The following MYO7A variants were observed in gnomAD, a reference collection of about 807,000 sequenced individuals.
MYO7A encodes the protein unconventional myosin-VIIa.
Under a neutral mutation model 263.8 loss-of-function variants are expected in MYO7A, and 210 were observed. That is an observed-to-expected ratio of 0.80 (90% CI 0.71 to 0.89). The LOEUF is 0.89. MYO7A is among the 40% of genes least tolerant of loss of function. MYO7A has a pLI of 0.00. For synonymous variants in MYO7A, 1,239 were observed against 1,197.3 expected (o/e 1.03, Z -0.72); for missense variants, 2,820 against 2,968.3 (o/e 0.95, Z 1.16).
Position 77,189,504 on chromosome 11 carries a change from G to A in MYO7A, c.3630+34G>A, listed in dbSNP as rs375751804. On this transcript the variant is annotated intron_variant, in intron 28 of 48. Transcript: ENST00000409709. ...GTGCCTGGCCTCCTGGAGTGGGAAG[G>A]GGAGCTAGGCCCTGTCCCAGCACTG... 1,355 of 1,612,852 alleles carry A rather than the reference G, an allele frequency of 8.4e-4. 6 individuals are homozygous for A. Among genetic ancestry groups the A allele is most frequent in the Non-Finnish European group, 1.1e-3 (1,251 of 1,179,508 alleles).
In MYO7A at chr11:77,130,638, G is replaced by C. The variant is rs1157203537; in HGVS notation, c.4G>C (p.Val2Leu). Residue 2 changes from valine to leucine, a missense_variant, in exon 2 of 49, where the codon GTG (valine) becomes CTG (leucine). By Grantham distance (32) the Val-to-Leu change is conservative. Transcript: ENST00000409709. ...CAGGAGCTCCTGACTTGGGACCATG[G>C]TGATTCTTCAGCAGGTCAGTGTTCC... The part of the protein sequence containing the change: M[V>L]ILQQGDHVWM... 6.2e-7 allele frequency: 1 copy of C among 1,613,350 alleles called. No homozygotes were observed. Among genetic ancestry groups the C allele is most frequent in the East Asian group, 2.2e-5 (1 of 44,866 alleles).
rs1415959092 is a variant in MYO7A, at chr11:77,214,951, G to A, written c.*255G>A. On this transcript the variant is annotated 3_prime_UTR_variant, in exon 49 of 49. Transcript: ENST00000409709. ...ATCCTAGTTTGCTGTGGCCTTCCCG[G>A]TTGTGAGAGCCTGTGATCCTTAGAT... The A allele has an allele frequency of 5.9e-5, 28 of 477,366 alleles. No individual in the cohort carries two copies. Among genetic ancestry groups the A allele is most frequent in the Non-Finnish European group, 1.0e-4 (27 of 265,028 alleles). The allele number at this position is 477,366 out of a possible 1,614,324, so 29.6% of individuals were successfully genotyped here. A position where few individuals can be genotyped will look rare whatever the true frequency, so the allele number is the denominator to read the frequency against.
chr11:77,202,525 T>A (rs1041019691), intron 37 of MYO7A, 101 bp downstream of exon 37: 13 of 1,445,752 alleles, frequency 9.0e-6, no homozygotes, highest in Non-Finnish European at 1.2e-5. Flanking sequence ...AGCCCCCACC[T>A]GTGAGCAGGG....
intron 12 of MYO7A, 98 bp from the exon 13 acceptor site, chr11:77,162,022 C>A: frequency 9.0e-7 from 1 of 1,112,682 alleles, no homozygotes; most frequent in Non-Finnish European, 1.3e-6. Flanking sequence ...ATGGGGATAG[C>A]TTGCTAATGG....
intron 15 of MYO7A, among the ~76,000 whole-genome samples, chr11:77,167,284 C>G (rs571357578): frequency 6.6e-6 from 1 of 152,230 alleles, no homozygotes; most frequent in Non-Finnish European, 1.5e-5. Flanking sequence ...GGGACTCGAA[C>G]GCAGGTCTCC....
intron 3 of MYO7A, among the ~76,000 whole-genome samples, chr11:77,147,246 G>A (rs1467794469): frequency 6.6e-6 from 1 of 151,170 alleles, no homozygotes; most frequent in African/African-American, 2.4e-5. Context: ...TTTTTACAGT[G>A]GTCTCTTTCT....
At chr11:77,147,669 G>A (rs1591223058) in intron 3 of MYO7A, 129 bp from the exon 4 acceptor site, 1 of 1,193,296 alleles carries the variant, frequency 8.4e-7, no homozygotes, top group Non-Finnish European at 1.2e-6. Context: ...ACAGTGTCTG[G>A]CTGCCAGAGA....
intron 15 of MYO7A, among the ~76,000 whole-genome samples, chr11:77,168,474 A>G (rs564325280): frequency 7.9e-5 from 12 of 152,164 alleles, no homozygotes; most frequent in Admixed American, 2.0e-4. Flanking sequence ...GCGAGTAATT[A>G]CTATTACTCC....
intron 16 of MYO7A, among the ~76,000 whole-genome samples, chr11:77,173,323 G>C (rs782339726): frequency 6.6e-6 from 1 of 152,150 alleles, no homozygotes; most frequent in Non-Finnish European, 1.5e-5. Context: ...TTCTCCTTTG[G>C]CCCAGCTCAA....
chr11:77,211,400 G>T (rs1957860830), intron 45 of MYO7A, 63 bp downstream of exon 45: 1 of 1,492,834 alleles, frequency 6.7e-7, no homozygotes, highest in African/African-American at 1.4e-5. Context: ...CACCCCAGGG[G>T]CCAAGGGGGC....
At position 77,214,618 on chromosome 11, in the gene MYO7A, G is replaced by A. The variant is rs376900309; in HGVS notation, c.6570G>A (p.Met2190Ile). The A allele has an allele frequency of 2.3e-5, 37 of 1,581,760 alleles. No individual in the cohort carries two copies. Among genetic ancestry groups the A allele is most frequent in the Non-Finnish European group, 3.2e-5 (37 of 1,163,740 alleles). The stretch of plus-strand genomic sequence containing the variant: ...ACCCCTGCTTCCAGGGCTACAAGAT[G>A]GATGACCTCCTGACTTCCTACATTA... ...LLCETSLGYK[M>I]DDLLTSYISQ... The change falls in exon 49 of 49, where the codon ATG (methionine) becomes ATA (isoleucine). Residue 2190 changes from methionine (M) to isoleucine (I), a missense_variant. Physicochemically the swap from Met to Ile is conservative, Grantham distance 10. Coordinates refer to ENST00000409709, the MANE Select transcript of MYO7A (RefSeq NM_000260.4).
chr11:77,189,971 T>C (rs752490971), intron 28 of MYO7A, 49 bp from the exon 29 acceptor site: 1 of 1,466,642 alleles, frequency 6.8e-7, no homozygotes. Flanking sequence ...GCCCTCAAAA[T>C]CCACATGGGG....
intron 18 of MYO7A, among the ~76,000 whole-genome samples, chr11:77,175,981 C>T (rs542755494): frequency 3.3e-5 from 5 of 152,324 alleles, no homozygotes; most frequent in East Asian, 3.9e-4. Flanking sequence ...GCAAGGCCTG[C>T]GGGAGTCGCG....
At chr11:77,152,659 G>T (rs185898405) in intron 4 of MYO7A, among the ~76,000 whole-genome samples, 1 of 151,902 alleles carries the variant, frequency 6.6e-6, no homozygotes, top group Admixed American at 6.6e-5. Context: ...TCTTTCGGCC[G>T]CTCAGCAAAC....
intron 17 of MYO7A, 120 bp from the exon 18 acceptor site, chr11:77,175,252 C>A: frequency 1.1e-6 from 1 of 908,606 alleles, no homozygotes; most frequent in South Asian, 1.6e-5. Context: ...CAGCTGAGGT[C>A]ACACTTCGAG....
In MYO7A at chr11:77,179,038, G is replaced by A; in HGVS notation, c.2283-7G>A. 1 of 1,599,752 alleles carries A rather than the reference G, an allele frequency of 6.3e-7. No individual in the cohort carries two copies. Among genetic ancestry groups the A allele is most frequent in the Non-Finnish European group, 8.5e-7 (1 of 1,173,768 alleles). ...ACTGCTCACCCGCGCCACTACTGCT[G>A]TTTCAGGTCTAACTTTCTGAAGCTG... On this transcript the variant is annotated splice_polypyrimidine_tract_variant and splice_region_variant and intron_variant, in intron 19 of 48. Coordinates refer to ENST00000409709, the MANE Select transcript of MYO7A (RefSeq NM_000260.4).
intron 41 of MYO7A, 119 bp from the exon 42 acceptor site, chr11:77,207,170 C>T (rs932142762): frequency 1.5e-6 from 1 of 652,846 alleles, no homozygotes; most frequent in East Asian, 2.8e-5. Flanking sequence ...GCTCTGTGCC[C>T]ACAGGAGGGT....
chr11:77,161,196 A>C, intron 12 of MYO7A, 81 bp downstream of exon 12: 1 of 1,556,772 alleles, frequency 6.4e-7, no homozygotes, highest in Non-Finnish European at 8.8e-7. Context: ...CTTGCGAAGC[A>C]CATTTAGTTG....
intron 2 of MYO7A, 51 bp downstream of exon 2, chr11:77,130,703 C>T: frequency 6.2e-7 from 1 of 1,601,162 alleles, no homozygotes; most frequent in Non-Finnish European, 8.5e-7. Context: ...GCCATATCCC[C>T]TCATCCATAT....
Sources: gnomAD v4.1 joint callset for allele counts (sites outside exome capture counted in the v4.1 genomes callset) on GRCh38, gnomAD v4.1.1 for gene constraint, MANE v1.5 for transcripts, NCBI Gene and HGNC (gene_info 2026-07-23, HGNC 2026-07-21) for gene names.